CADM1: variants seen among roughly 807,000 people sequenced by gnomAD.
The protein encoded by CADM1 is cell adhesion molecule 1.
CADM1 carries 15 observed loss-of-function variants against 53.1 expected under a neutral mutation model. That is an observed-to-expected ratio of 0.28 (90% confidence interval 0.19 to 0.44). The LOEUF (loss-of-function observed/expected upper bound fraction) is 0.44. CADM1 is among the 20% of genes least tolerant of loss of function. The pLI is 1.00. For missense variants in CADM1, 434 were observed against 611.3 expected, an observed-to-expected ratio of 0.71 and a Z score of 3.06; for synonymous variants, 281 against 243.0, an observed-to-expected ratio of 1.16 and a Z score of -1.45.
intron 1 of CADM1, among the ~76,000 whole-genome samples, chr11:115,355,112 A>G (rs913675910): frequency 1.3e-5 from 2 of 152,228 alleles, no homozygotes; most frequent in African/African-American, 4.8e-5. Context: ...AGATAAGGAA[A>G]TCATTCAAAA....
At chr11:115,286,455 T>C in intron 1 of CADM1, among the ~76,000 whole-genome samples, 1 of 152,162 alleles carries the variant, frequency 6.6e-6, no homozygotes, top group East Asian at 1.9e-4. Flanking sequence ...ACAAAACTGA[T>C]TACTATATGC....
chr11:115,349,658 G>A (rs183738662), intron 1 of CADM1, among the ~76,000 whole-genome samples: 113 of 152,232 alleles, frequency 7.4e-4, no homozygotes, highest in African/African-American at 2.5e-3. Context: ...AAACCATTTC[G>A]TACACTCTCA....
At chr11:115,198,559 C>T (rs757811615) in intron 8 of CADM1, 121 bp from the exon 9 acceptor site, 82 of 730,368 alleles carry the variant, frequency 1.1e-4, no homozygotes, top group East Asian at 4.4e-4. Context: ...AAGAACATCG[C>T]GTGACAAGCA....
chr11:115,410,751 T>C lies in CADM1; in HGVS notation c.124+93520A>G, dbSNP rs189747775. ...TGAGTTTAACATGGAGCTTAACACATTTAATAAACAAACAAACAAATGAGT... is the reference window on the plus strand; with the variant it reads ...TGAGTTTAACATGGAGCTTAACACACTTAATAAACAAACAAACAAATGAGT... On this transcript the variant is annotated intron_variant, in intron 1 of 11. Transcript: ENST00000331581. 2.5e-3 allele frequency among the ~76,000 whole-genome samples: 386 copies of C among 152,290 alleles called. 1 individual carries two copies. The highest frequency in any genetic ancestry group is 6.2e-3 in the South Asian group (30 of 4,826).
chr11:115,342,337 A>C (rs1945470072), intron 1 of CADM1, among the ~76,000 whole-genome samples: 1 of 152,224 alleles, frequency 6.6e-6, no homozygotes, highest in African/African-American at 2.4e-5. Context: ...ATCTGTCTTA[A>C]GTAATACACG....
At chr11:115,468,661 A>T (rs2135386829) in intron 1 of CADM1, among the ~76,000 whole-genome samples, 2 of 152,308 alleles carry the variant, frequency 1.3e-5, no homozygotes, top group South Asian at 4.2e-4. Flanking sequence ...TAGAAAGAGA[A>T]ATCATACAGG....
intron 1 of CADM1, among the ~76,000 whole-genome samples, chr11:115,372,359 A>C (rs918202941): frequency 5.3e-5 from 8 of 152,128 alleles, no homozygotes; most frequent in Non-Finnish European, 1.0e-4. Flanking sequence ...TTTGGAAGCA[A>C]CTTTGAATTC....
intron 1 of CADM1, among the ~76,000 whole-genome samples, chr11:115,337,561 C>T (rs1191179575): frequency 6.6e-6 from 1 of 152,112 alleles, no homozygotes; most frequent in African/African-American, 2.4e-5. Context: ...TGTTTCCTTA[C>T]TCTAACCTCC....
rs550317519 is a variant in CADM1, at chr11:115,261,466, C to T, written c.125-21046G>A. Among the ~76,000 whole-genome samples, 175 of 152,166 alleles carry T rather than the reference C, an allele frequency of 1.2e-3. 1 individual carries two copies. Among genetic ancestry groups the T allele is most frequent in the African/African-American group, 4.0e-3 (166 of 41,518 alleles). On this transcript the variant is annotated intron_variant, in intron 1 of 11. Coordinates refer to ENST00000331581, the MANE Select transcript of CADM1 (RefSeq NM_001301043.2). ...TAAAACAAAGTAGTATAAACAAATC[C>T]CACAATCCCATAACTCTGAGATAAG...
intron 1 of CADM1, among the ~76,000 whole-genome samples, chr11:115,412,733 C>G (rs1947489780): frequency 6.6e-6 from 1 of 152,152 alleles, no homozygotes; most frequent in Non-Finnish European, 1.5e-5. Context: ...AGTGAGGTCT[C>G]TAATCATTTA....
rs144696139 is a variant in CADM1 at position 115,231,638 on chromosome 11, G to A, written c.425-148C>T. 531 of 754,272 alleles carry A rather than the reference G, an allele frequency of 7.0e-4. 3 individuals carry two copies. In the African/African-American group the frequency reaches 8.4e-3, roughly 12 times the overall value. The allele number at this position is 754,272 out of a possible 1,614,324, so 46.7% of individuals were successfully genotyped here. A position where few individuals can be genotyped will look rare whatever the true frequency, so the allele number is the denominator to read the frequency against. On this transcript the variant is annotated intron_variant, in intron 3 of 11. Transcript: ENST00000331581. ...AAATACAAAGTAATCATCAAATAAA[G>A]TGAGTTATGCAAAATCAGTTAATTT...
Position 115,190,914 on chromosome 11 carries a change from T to C in CADM1, c.1139A>G (p.Glu380Gly), listed in dbSNP as rs770116219. The C allele has an allele frequency of 6.3e-7, 1 of 1,595,178 alleles. No individual in the cohort carries two copies. Among genetic ancestry groups the C allele is most frequent in the Non-Finnish European group, 8.5e-7 (1 of 1,178,550 alleles). Reference protein sequence around the residue: ...HGLTQLPNSAEELDSEDLSDS... With the variant: ...HGLTQLPNSAGELDSEDLSDS... The stretch of plus-strand genomic sequence containing the variant: ...TGAGAGGTCCTCACTGTCCAGTTCT[T>C]CTGCGGAATTGGGCAACTGAGTAAG... Residue 380 changes from glutamate (E) to glycine (G), a missense_variant, in exon 10 of 12, where the codon GAA becomes GGA. Physicochemically the swap from Glu to Gly is moderately conservative, Grantham distance 98. Transcript: ENST00000331581.
intron 1 of CADM1, among the ~76,000 whole-genome samples, chr11:115,274,805 G>A (rs1437253455): frequency 2.0e-5 from 3 of 152,070 alleles, no homozygotes; most frequent in Admixed American, 1.3e-4. Context: ...CCAGGACCCC[G>A]CAATGACATC....
Position 115,176,327 on chromosome 11 carries a change from A to C in CADM1, c.*147T>G, listed in dbSNP as rs1427950824. On this transcript the variant is annotated 3_prime_UTR_variant, in exon 12 of 12. Coordinates refer to ENST00000331581, the MANE Select transcript of CADM1 (RefSeq NM_001301043.2). ...TCCAAAGAACATTTTTTTTTTTTTT[A>C]CACAGCAAATCCCAAGCCTTCCCAG... 9.4e-6 allele frequency: 14 copies of C among 1,486,122 alleles called. No individual in the cohort carries two copies. The Admixed American group carries it at 2.0e-4, about 21-fold the overall frequency. The allele number at this position is 1,486,122 out of a possible 1,614,324, so 92.1% of individuals were successfully genotyped here.
chr11:115,372,556 A>C (rs918058247), intron 1 of CADM1, among the ~76,000 whole-genome samples: 2 of 152,190 alleles, frequency 1.3e-5, no homozygotes, highest in Non-Finnish European at 2.9e-5. Flanking sequence ...AAAATGTGAA[A>C]GTTTGCAAAT....
chr11:115,357,561 C>A (rs1298599850), intron 1 of CADM1, among the ~76,000 whole-genome samples: 1 of 152,126 alleles, frequency 6.6e-6, no homozygotes, highest in Non-Finnish European at 1.5e-5. Flanking sequence ...CACTTATTAG[C>A]TAGTGGTCTA....
chr11:115,441,979 T>G (rs1382718576), intron 1 of CADM1, among the ~76,000 whole-genome samples: 2 of 152,064 alleles, frequency 1.3e-5, no homozygotes, highest in Non-Finnish European at 2.9e-5. Context: ...CACCCAAAAT[T>G]CTATGATGCA....
chr11:115,443,377 T>A (rs865876728), intron 1 of CADM1, among the ~76,000 whole-genome samples: 67 of 152,300 alleles, frequency 4.4e-4, no homozygotes, highest in African/African-American at 1.6e-3. Context: ...TGGCAGATTG[T>A]ACAATAAGCA....
chr11:115,209,666 A>G lies in CADM1; in HGVS notation c.995-9T>C, dbSNP rs80310496. On this transcript the variant is annotated splice_polypyrimidine_tract_variant and intron_variant, in intron 7 of 11. Transcript: ENST00000331581. ...GATAGTTGTGGGGGGATCTGGATAG[A>G]AAAAAAAAGGAAAATCAAACCCACA... 12 of 1,605,418 alleles carry G rather than the reference A, an allele frequency of 7.5e-6. No homozygotes were observed. The East Asian group carries it at 1.1e-4, about 15-fold the overall frequency.
Sources: gnomAD v4.1 joint callset for allele counts (sites outside exome capture counted in the v4.1 genomes callset) on GRCh38, gnomAD v4.1.1 for gene constraint, MANE v1.5 for transcripts, NCBI Gene and HGNC (gene_info 2026-07-23, HGNC 2026-07-21) for gene names.